The following CSMD1 variants were observed in gnomAD, a reference collection of about 807,000 sequenced individuals.
CSMD1 encodes CUB and sushi domain-containing protein 1.
In CSMD1, 213 loss-of-function variants were observed where a neutral mutation model predicts 417.5. The observed-to-expected ratio is 0.51, with a 90% confidence interval of 0.46 to 0.57. The LOEUF (loss-of-function observed/expected upper bound fraction) is 0.57, where lower values mean the gene tolerates loss of function less well. Ranked by LOEUF, CSMD1 falls within the 20% of genes least tolerant of loss-of-function variation. The pLI, the probability that CSMD1 is intolerant of heterozygous loss-of-function variation, is 0.00. For synonymous variants in CSMD1, 2,862 were observed against 1,736.8 expected (o/e 1.65, Z -16.11); for missense variants, 6,923 against 4,529.7 (o/e 1.53, Z -15.17).
At position 4,945,658 on chromosome 8, in the gene CSMD1, G is replaced by T. The variant is rs114327377; in HGVS notation, c.85+48674C>A. 3.2e-3 allele frequency among the ~76,000 whole-genome samples: 487 copies of T among 152,164 alleles called. 5 individuals are homozygous for T. Among genetic ancestry groups the T allele is most frequent in the African/African-American group, 0.011 (464 of 41,522 alleles). ...AGTTTGAATATTTGAATTAGTTTTG[G>T]GAAAGGAGACTTTTTTCAAGAGAAC... On this transcript the variant is annotated intron_variant, in intron 1 of 69. Coordinates refer to ENST00000635120, the MANE Select transcript of CSMD1 (RefSeq NM_033225.6).
intron 5 of CSMD1, among the ~76,000 whole-genome samples, chr8:3,894,400 G>C (rs965983766): frequency 2.6e-5 from 4 of 152,212 alleles, no homozygotes; most frequent in East Asian, 1.9e-4. Context: ...TCATGGCTTA[G>C]ACATTTCCAA....
At chr8:4,574,368 C>G (rs1301990057) in intron 2 of CSMD1, among the ~76,000 whole-genome samples, 1 of 152,164 alleles carries the variant, frequency 6.6e-6, no homozygotes, top group South Asian at 2.1e-4. Flanking sequence ...CTTCCCTTGG[C>G]TAGGAGAGGG....
chr8:3,648,882 G>T (rs2469406), intron 7 of CSMD1, among the ~76,000 whole-genome samples: 60,617 of 151,982 alleles, frequency 0.4, 12,561 homozygotes, highest in Non-Finnish European at 0.46. Flanking sequence ...GCAGTTTCTG[G>T]TAGCTAGTGT....
Position 4,415,455 on chromosome 8 carries a change from G to A in CSMD1, c.415+4498C>T, listed in dbSNP as rs146965012. Among the ~76,000 whole-genome samples the A allele has an allele frequency of 1.4e-3, 198 of 144,812 alleles. 1 individual carries two copies. The highest frequency in any genetic ancestry group is 4.6e-3 in the African/African-American group (179 of 39,166). ...GCTTTAATAACACGCTCTTCAGGTCGTGGCCTGAGCCCACTCTGTGATGGC... is the reference window on the plus strand; with the variant it reads ...GCTTTAATAACACGCTCTTCAGGTCATGGCCTGAGCCCACTCTGTGATGGC... On this transcript the variant is annotated intron_variant, in intron 3 of 69. Transcript: ENST00000635120.
chr8:3,886,312 G>A (rs539096003), intron 5 of CSMD1, among the ~76,000 whole-genome samples: 94 of 152,294 alleles, frequency 6.2e-4, no homozygotes, highest in African/African-American at 1.9e-3. Flanking sequence ...GCCTCTCAAA[G>A]TGCTGGGATT....
intron 12 of CSMD1, among the ~76,000 whole-genome samples, chr8:3,462,830 G>A (rs7001370): frequency 0.056 from 8,522 of 152,038 alleles, 360 homozygotes; most frequent in East Asian, 0.15. Flanking sequence ...CTGACTGTTT[G>A]TGTCCCTCCA....
intron 2 of CSMD1, among the ~76,000 whole-genome samples, chr8:4,466,950 T>G (rs1403970929): frequency 1.3e-5 from 2 of 151,934 alleles, no homozygotes; most frequent in African/African-American, 4.8e-5. Flanking sequence ...CTGTGAACAT[T>G]TCTTCCTTCC....
chr8:4,981,966 C>T (rs1450053505), intron 1 of CSMD1, among the ~76,000 whole-genome samples: 5 of 152,238 alleles, frequency 3.3e-5, no homozygotes, highest in African/African-American at 1.2e-4. Flanking sequence ...GTGTGTGGCC[C>T]CCAGGAACTG....
intron 7 of CSMD1, among the ~76,000 whole-genome samples, chr8:3,657,054 G>A (rs946025073): frequency 4.0e-5 from 5 of 125,142 alleles, no homozygotes; most frequent in African/African-American, 1.1e-4. Context: ...GCATTTTTGG[G>A]ATAAACTTTT....
At chr8:4,399,286 A>G (rs1272657029) in intron 3 of CSMD1, among the ~76,000 whole-genome samples, 1 of 152,222 alleles carries the variant, frequency 6.6e-6, no homozygotes, top group African/African-American at 2.4e-5. Context: ...GACCATCATT[A>G]GTAATGAGGG....
chr8:3,707,513 C>A (rs544938941), intron 7 of CSMD1, among the ~76,000 whole-genome samples: 1 of 152,172 alleles, frequency 6.6e-6, no homozygotes, highest in South Asian at 2.1e-4. Flanking sequence ...GAGCAGAAAA[C>A]GGCCCCTACA....
chr8:3,755,718 G>C (rs1293785149), intron 5 of CSMD1, among the ~76,000 whole-genome samples: 1 of 152,030 alleles, frequency 6.6e-6, no homozygotes, highest in Non-Finnish European at 1.5e-5. Flanking sequence ...CCAACTCTCA[G>C]GTTTAAAAAT....
At chr8:4,030,132 T>C (rs1221596052) in intron 4 of CSMD1, among the ~76,000 whole-genome samples, 3 of 152,128 alleles carry the variant, frequency 2.0e-5, no homozygotes, top group Admixed American at 1.3e-4. Context: ...TCCAGGTGCA[T>C]GATGCAAGGT....
intron 52 of CSMD1, among the ~76,000 whole-genome samples, chr8:3,002,364 C>G (rs1807480370): frequency 6.6e-6 from 1 of 152,186 alleles, no homozygotes; most frequent in Non-Finnish European, 1.5e-5. Context: ...ACCCTAGAGA[C>G]AGGGAGACGA....
intron 5 of CSMD1, among the ~76,000 whole-genome samples, chr8:3,813,924 G>T (rs74814327): frequency 1.3e-5 from 2 of 152,176 alleles, no homozygotes; most frequent in African/African-American, 2.4e-5. Flanking sequence ...TGTTAAGTCT[G>T]TTGCTTCTGG....
chr8:3,248,591 G>A (rs541933024), intron 26 of CSMD1, among the ~76,000 whole-genome samples: 55 of 138,072 alleles, frequency 4.0e-4, no homozygotes, highest in Non-Finnish European at 6.9e-4. Flanking sequence ...GTACAGTGGC[G>A]CGATCTCAGC....
chr8:4,442,414 T>C (rs116484275), intron 2 of CSMD1, among the ~76,000 whole-genome samples: 195 of 152,330 alleles, frequency 1.3e-3, no homozygotes, highest in African/African-American at 4.3e-3. Context: ...GTCCCCACTG[T>C]ATATATGAAC....
At chr8:4,130,813 A>G (rs901460040) in intron 3 of CSMD1, among the ~76,000 whole-genome samples, 1 of 151,716 alleles carries the variant, frequency 6.6e-6, no homozygotes, top group Non-Finnish European at 1.5e-5. Context: ...ATATATTTGT[A>G]TATATAATAT....
chr8:4,012,738 C>T (rs768635488), intron 4 of CSMD1, among the ~76,000 whole-genome samples: 1 of 152,138 alleles, frequency 6.6e-6, no homozygotes, highest in African/African-American at 2.4e-5. Context: ...ACTAACTAGC[C>T]CTAAAATGGT....
Sources: gnomAD v4.1 joint callset for allele counts (sites outside exome capture counted in the v4.1 genomes callset) on GRCh38, gnomAD v4.1.1 for gene constraint, MANE v1.5 for transcripts, NCBI Gene and HGNC (gene_info 2026-07-23, HGNC 2026-07-21) for gene names.